The following VRK2 variants were observed in gnomAD, a reference collection of about 807,000 sequenced individuals.
The protein encoded by VRK2 is VRK serine/threonine kinase 2, also known as serine/threonine-protein kinase VRK2.
Under a neutral mutation model 57.6 loss-of-function variants are expected in VRK2, and 60 were observed. That is an observed-to-expected ratio of 1.04 (90% confidence interval 0.85 to 1.29). VRK2 has a LOEUF of 1.29. Ranked by LOEUF, VRK2 falls within the 50% of genes most tolerant of loss-of-function variation. The pLI is 0.00. For synonymous variants in VRK2, 231 were observed against 199.2 expected (o/e 1.16, Z -1.35); for missense variants, 705 against 588.1 (o/e 1.20, Z -2.06).
At chr2:57,977,479 C>A (rs1672286998) in intron 1 of VRK2, among the ~76,000 whole-genome samples, 1 of 151,710 alleles carries the variant, frequency 6.6e-6, no homozygotes, top group Non-Finnish European at 1.5e-5. Flanking sequence ...CTTTTTGTGG[C>A]TTTTGTGAAT....
intron 11 of VRK2, among the ~76,000 whole-genome samples, chr2:58,144,788 T>C (rs1681866142): frequency 1.3e-5 from 2 of 151,976 alleles, no homozygotes; most frequent in Admixed American, 6.6e-5. Flanking sequence ...TTAAGAAACA[T>C]TTCCAACTTT....
chr2:57,911,593 A>C (rs1669987413), intron 1 of VRK2, among the ~76,000 whole-genome samples: 2 of 152,180 alleles, frequency 1.3e-5, no homozygotes, highest in African/African-American at 4.8e-5. Flanking sequence ...TCATTCAAAG[A>C]GGTAAGTACT....
At chr2:58,024,280 G>A (rs781614191) in intron 1 of VRK2, among the ~76,000 whole-genome samples, 1 of 152,130 alleles carries the variant, frequency 6.6e-6, no homozygotes, top group Non-Finnish European at 1.5e-5. Flanking sequence ...TCGGCCTTAG[G>A]TTTCACAACC....
At chr2:58,070,845 A>G (rs550072852) in intron 2 of VRK2, among the ~76,000 whole-genome samples, 5 of 152,250 alleles carry the variant, frequency 3.3e-5, no homozygotes, top group Non-Finnish European at 7.4e-5. Flanking sequence ...CAGTTCCTGG[A>G]TTGTATACTA....
chr2:57,961,281 A>C (rs1671749876), intron 1 of VRK2, among the ~76,000 whole-genome samples: 1 of 152,234 alleles, frequency 6.6e-6, no homozygotes, highest in East Asian at 1.9e-4. Flanking sequence ...TTATCTGTCC[A>C]GGGAAGGAGG....
chr2:57,990,492 C>A (rs957884443), intron 1 of VRK2, among the ~76,000 whole-genome samples: 4 of 152,136 alleles, frequency 2.6e-5, no homozygotes, highest in African/African-American at 9.7e-5. Context: ...GGCAGAAATA[C>A]ATTAACGTTT....
upstream of VRK2, among the ~76,000 whole-genome samples, chr2:58,042,957 A>T (rs956640195): frequency 6.6e-6 from 1 of 152,128 alleles, no homozygotes; most frequent in Non-Finnish European, 1.5e-5. Flanking sequence ...TCATCTTGAA[A>T]CATACACACA....
intron 7 of VRK2, among the ~76,000 whole-genome samples, chr2:58,096,535 A>G (rs559955927): frequency 1.1e-4 from 17 of 151,844 alleles, no homozygotes; most frequent in Non-Finnish European, 2.5e-4. Flanking sequence ...GTAGTTTTTT[A>G]TGACTTAAAT....
At chr2:58,101,999 C>T (rs751086522) in intron 7 of VRK2, among the ~76,000 whole-genome samples, 6 of 151,568 alleles carry the variant, frequency 4.0e-5, no homozygotes, top group Non-Finnish European at 7.4e-5. Flanking sequence ...CCAAGTAGAG[C>T]TGGATATACT....
At chr2:58,011,412 A>T (rs922834833) in intron 1 of VRK2, among the ~76,000 whole-genome samples, 2 of 152,204 alleles carry the variant, frequency 1.3e-5, no homozygotes, top group African/African-American at 2.4e-5. Context: ...TGGTTGCTTC[A>T]ACTGCCAGTC....
intron 2 of VRK2, among the ~76,000 whole-genome samples, chr2:58,060,334 A>T (rs1194870066): frequency 6.6e-6 from 1 of 152,048 alleles, no homozygotes; most frequent in South Asian, 2.1e-4. Context: ...ATGTAGATTG[A>T]CTATAATAAA....
At chr2:58,128,303 G>A (rs958754772) in intron 8 of VRK2, among the ~76,000 whole-genome samples, 1 of 151,996 alleles carries the variant, frequency 6.6e-6, no homozygotes, top group Non-Finnish European at 1.5e-5. Context: ...TGTTTGAATG[G>A]TATTAAAACT....
At chr2:58,137,179 TATC>T (rs1347118277) in intron 10 of VRK2, among the ~76,000 whole-genome samples, 1 of 112,626 alleles carries the variant, frequency 8.9e-6, no homozygotes, top group Non-Finnish European at 1.6e-5. Flanking sequence ...ATATCATATA[TATC>T]ATATATGATA....
chr2:58,118,237 G>A (rs1260884323), intron 7 of VRK2, among the ~76,000 whole-genome samples: 3 of 151,864 alleles, frequency 2.0e-5, no homozygotes, highest in African/African-American at 4.8e-5. Context: ...CCAGAAAAGC[G>A]GGACTTGCCG....
At chr2:57,956,528 TCTTA>T (rs1671591100) in intron 1 of VRK2, among the ~76,000 whole-genome samples, 1 of 152,216 alleles carries the variant, frequency 6.6e-6, no homozygotes, top group Non-Finnish European at 1.5e-5. Context: ...TCTCTAATTC[TCTTA>T]CTTTTTCTAG....
At chr2:58,031,735 C>G (rs1674115989) in intron 2 of VRK2, among the ~76,000 whole-genome samples, 2 of 152,124 alleles carry the variant, frequency 1.3e-5, no homozygotes, top group South Asian at 2.1e-4. Flanking sequence ...GTTCTCATAG[C>G]TACCTCTGGA....
intron 11 of VRK2, among the ~76,000 whole-genome samples, chr2:58,142,920 C>T (rs2104626999): frequency 6.6e-6 from 1 of 151,926 alleles, no homozygotes; most frequent in South Asian, 2.1e-4. Flanking sequence ...GACACTTGGG[C>T]ATAATGAGCC....
At chr2:57,916,768 CA>C (rs1670169783) in intron 1 of VRK2, among the ~76,000 whole-genome samples, 1 of 152,088 alleles carries the variant, frequency 6.6e-6, no homozygotes, top group South Asian at 2.1e-4. Flanking sequence ...AAGCCATTTA[CA>C]GAAGTGTGGA....
intron 8 of VRK2, among the ~76,000 whole-genome samples, chr2:58,124,282 A>G (rs1047583855): frequency 2.0e-5 from 3 of 152,224 alleles, no homozygotes; most frequent in African/African-American, 4.8e-5. Context: ...TTGAAAATAT[A>G]TGGTGCCGAG....
Sources: allele counts gnomAD v4.1 joint callset (sites outside exome capture counted in the v4.1 genomes callset), GRCh38; gene constraint gnomAD v4.1.1; transcripts MANE v1.5; gene names NCBI Gene and HGNC (gene_info 2026-07-23, HGNC 2026-07-21).